The following CAMSAP3 variants were observed in gnomAD, a reference collection of about 807,000 sequenced individuals.
CAMSAP3 encodes calmodulin-regulated spectrin-associated protein 3.
Under a neutral mutation model 112.5 loss-of-function variants are expected in CAMSAP3, and 34 were observed. That is an observed-to-expected ratio of 0.30 (90% CI 0.23 to 0.40). The LOEUF is 0.40. Among genes scored for constraint, CAMSAP3 ranks in the 10% least tolerant of loss-of-function variants. The pLI, the probability that CAMSAP3 is intolerant of heterozygous loss-of-function variation, is 1.00. For missense variants in CAMSAP3, 1,602 were observed against 1,770.3 expected (o/e 0.90, Z 1.71); for synonymous variants, 868 against 799.8 (o/e 1.09, Z -1.44).
chr19:7,617,884 G>A lies in CAMSAP3; in HGVS notation c.3577G>A (p.Val1193Ile), dbSNP rs772769434. 23 of 1,613,612 alleles carry A rather than the reference G, an allele frequency of 1.4e-5. No homozygotes were observed. Among genetic ancestry groups the A allele is most frequent in the Non-Finnish European group, 1.9e-5 (22 of 1,180,008 alleles). ...SRLAGYGPRT[V>I]TPAMVEGIYK... ...GCTGGCAGGGTATGGGCCCCGGACC[G>A]TCACGCCCGCCATGGTGGAAGGCAT... Residue 1193 changes from valine to isoleucine, a missense_variant, in exon 17 of 17, where the codon GTC becomes ATC. This residue lies in a region of CAMSAP3 where 150 missense variants were observed against 207.6 expected (regional missense o/e 0.72). Coordinates refer to ENST00000160298, the MANE Select transcript of CAMSAP3 (RefSeq NM_020902.2). The surrounding 1 kb of genome is among the most constrained non-coding windows in gnomAD (Gnocchi z 7.5).
Position 7,615,662 on chromosome 19 carries a change from C to T in CAMSAP3, c.3055C>T (p.Arg1019Cys). ...GGGCGGGCGGAGGGCCACCCGGCCT[C>T]GCTCGGGTTGCTGTGACGACTCAGC... is the stretch of plus-strand genomic sequence containing the variant. Reference protein sequence around the residue: ...GRGGRRATRPRSGCCDDSALA... With the variant: ...GRGGRRATRPCSGCCDDSALA... Residue 1019 changes from arginine to cysteine, a missense_variant, in exon 13 of 17, where the codon CGC becomes TGC. Physicochemically the swap from Arg to Cys is radical, Grantham distance 180. Around this residue, in one of 6 missense-constraint regions of CAMSAP3, gnomAD observed 1,100 missense variants for 1,135.7 expected, o/e 0.97. Coordinates refer to ENST00000160298, the MANE Select transcript of CAMSAP3 (RefSeq NM_020902.2). This position sits in a 1 kb window ranked among gnomAD's most constrained non-coding sequence, Gnocchi z 6.5. 2 of 1,427,216 alleles carry T rather than the reference C, an allele frequency of 1.4e-6. No homozygotes were observed. Among genetic ancestry groups the T allele is most frequent in the Non-Finnish European group, 9.1e-7 (1 of 1,095,722 alleles). 88.4% of individuals were successfully genotyped at this position (1,427,216 alleles called of 1,614,324 possible).
Position 7,611,440 on chromosome 19 carries a change from A to T in CAMSAP3, c.1124-77A>T, listed in dbSNP as rs543339374. ...AGTGACTCACCCAATGACCTTGCAG[A>T]GGTTGTCCCCAGATGCTGGCTGACC... On this transcript the variant is annotated intron_variant, in intron 9 of 16. Coordinates refer to ENST00000160298, the MANE Select transcript of CAMSAP3 (RefSeq NM_020902.2). The surrounding 1 kb of genome is among the most constrained non-coding windows in gnomAD (Gnocchi z 6.9). 3 of 1,382,744 alleles carry T rather than the reference A, an allele frequency of 2.2e-6. No homozygotes were observed. The African/African-American group carries it at 4.3e-5, about 20-fold the overall frequency. The allele number at this position is 1,382,744 out of a possible 1,614,324, so 85.7% of individuals were successfully genotyped here. A position where few individuals can be genotyped will look rare whatever the true frequency, so the allele number is the denominator to read the frequency against.
Position 7,615,774 on chromosome 19 carries a change from G to A in CAMSAP3, c.3112+55G>A. ...CAGTGCCCTTTCCGGGGCTCACTGGGTGAGGCCCCCATGGGTAAGGGGGGA... is the reference window on the plus strand; with the variant it reads ...CAGTGCCCTTTCCGGGGCTCACTGGATGAGGCCCCCATGGGTAAGGGGGGA... On this transcript the variant is annotated intron_variant, in intron 13 of 16. Transcript: ENST00000160298. This position sits in a 1 kb window ranked among gnomAD's most constrained non-coding sequence, Gnocchi z 6.5. The A allele has an allele frequency of 8.0e-7, 1 of 1,257,038 alleles. No individual in the cohort carries two copies. Among genetic ancestry groups the A allele is most frequent in the Non-Finnish European group, 1.0e-6 (1 of 985,562 alleles). The allele number at this position is 1,257,038 out of a possible 1,614,324, so 77.9% of individuals were successfully genotyped here.
In CAMSAP3 at chr19:7,607,924, T is replaced by C. The variant is rs529751395; in HGVS notation, c.622-202T>C. ...AGTCCCTGTCCCCAGCCCCCGCTGC[T>C]GGCCTGGCTGCTCGAAGACATCTCC... On this transcript the variant is annotated intron_variant, in intron 4 of 16. Coordinates refer to ENST00000160298, the MANE Select transcript of CAMSAP3 (RefSeq NM_020902.2). The surrounding 1 kb of genome is among the most constrained non-coding windows in gnomAD (Gnocchi z 4.9). 2.4e-6 allele frequency: 2 copies of C among 816,360 alleles called. No homozygotes were observed. The highest frequency in any genetic ancestry group is 2.5e-5 in the East Asian group (1 of 40,396). 50.6% of individuals were successfully genotyped at this position (816,360 alleles called of 1,614,324 possible).
At chr19:7,616,958 T>TG (rs2030841264) in intron 14 of CAMSAP3, among the ~76,000 whole-genome samples, 1 of 145,312 alleles carries the variant, frequency 6.9e-6, no homozygotes, top group African/African-American at 2.6e-5. Context: ...TTTTTTTTTT[T>TG]GTTTTTTTGA....
In CAMSAP3 at chr19:7,606,267, A is replaced by T. The variant is rs1393027948; in HGVS notation, c.403-4A>T. On this transcript the variant is annotated splice_region_variant and splice_polypyrimidine_tract_variant and intron_variant, in intron 2 of 16. Transcript: ENST00000160298. The stretch of plus-strand genomic sequence containing the variant: ...GTCTCACCCTCTAGCGCTTGCCCCC[A>T]CAGGGAGCCCACCTAGCTGTCATTG... The T allele has an allele frequency of 6.3e-7, 1 of 1,580,410 alleles. No homozygotes were observed. The highest frequency in any genetic ancestry group is 8.6e-7 in the Non-Finnish European group (1 of 1,163,140).
chr19:7,598,033 T>C (rs370614763), intron 1 of CAMSAP3, among the ~76,000 whole-genome samples: 2 of 152,260 alleles, frequency 1.3e-5, no homozygotes, highest in African/African-American at 4.8e-5. Context: ...CTCTGGGGAC[T>C]CTTGACGGTA....
chr19:7,611,426 C>T lies in CAMSAP3; in HGVS notation c.1124-91C>T, dbSNP rs1418874542. On this transcript the variant is annotated intron_variant, in intron 9 of 16. Transcript: ENST00000160298. This position sits in a 1 kb window ranked among gnomAD's most constrained non-coding sequence, Gnocchi z 6.9. ...CATAATGAGCCATCAGTGACTCACCCAATGACCTTGCAGAGGTTGTCCCCA... is the reference window on the plus strand; with the variant it reads ...CATAATGAGCCATCAGTGACTCACCTAATGACCTTGCAGAGGTTGTCCCCA... The T allele has an allele frequency of 2.4e-6, 3 of 1,260,194 alleles. No homozygotes were observed. In the Admixed American group the frequency reaches 6.9e-5, roughly 29 times the overall value. 78.1% of individuals were successfully genotyped at this position (1,260,194 alleles called of 1,614,324 possible). A position where few individuals can be genotyped will look rare whatever the true frequency, so the allele number is the denominator to read the frequency against.
chr19:7,596,456 G>T (rs1599335999), intron 1 of CAMSAP3, among the ~76,000 whole-genome samples: 1 of 152,126 alleles, frequency 6.6e-6, no homozygotes. Flanking sequence ...GGCCGGGTGG[G>T]GTCTCCCCGT....
chr19:7,616,443 T>C (rs2030794692), intron 13 of CAMSAP3, 80 bp from the exon 14 acceptor site: 1 of 1,017,884 alleles, frequency 9.8e-7, no homozygotes, highest in East Asian at 2.4e-5. Flanking sequence ...CCTCCTGTGT[T>C]CCCCCCACAG....
At chr19:7,602,807 G>A (rs1599346095) in intron 1 of CAMSAP3, among the ~76,000 whole-genome samples, 1 of 151,988 alleles carries the variant, frequency 6.6e-6, no homozygotes, top group East Asian at 1.9e-4. Context: ...CTGGAAGAAG[G>A]AGGCACTGGG....
Position 7,615,205 on chromosome 19 carries a change from A to G in CAMSAP3, c.2693A>G (p.Glu898Gly). 2 of 1,553,960 alleles carry G rather than the reference A, an allele frequency of 1.3e-6. No individual in the cohort carries two copies. The highest frequency in any genetic ancestry group is 8.7e-7 in the Non-Finnish European group (1 of 1,148,954). ...FYKDEDKPED[E>G]MAQKRASLLE... ...CAGGATGAAGACAAGCCTGAGGACG[A>G]GATGGCCCAAAAGCGGGCCAGCCTG... Residue 898 changes from glutamate (E) to glycine (G), a missense_variant, in exon 12 of 17, where the codon GAG (glutamate) becomes GGG (glycine). By Grantham distance (98) the Glu-to-Gly change is moderately conservative (BLOSUM62 -2). Transcript: ENST00000160298. This position sits in a 1 kb window ranked among gnomAD's most constrained non-coding sequence, Gnocchi z 6.5.
chr19:7,609,553 G>C (rs1211378735), intron 5 of CAMSAP3, among the ~76,000 whole-genome samples: 4 of 152,128 alleles, frequency 2.6e-5, no homozygotes, highest in South Asian at 2.1e-4. Flanking sequence ...TGGCTCCAGG[G>C]ACCGGTTTTG....
intron 5 of CAMSAP3, among the ~76,000 whole-genome samples, chr19:7,609,817 C>T (rs1488366552): frequency 6.6e-6 from 1 of 152,046 alleles, no homozygotes; most frequent in African/African-American, 2.4e-5. Flanking sequence ...AACCTAGATC[C>T]CTCACACGCC....
chr19:7,613,628 G>A (rs1035705411), intron 11 of CAMSAP3, among the ~76,000 whole-genome samples: 1 of 151,888 alleles, frequency 6.6e-6, no homozygotes, highest in African/African-American at 2.4e-5. Context: ...TAGATGTGGG[G>A]AGGGGTGGAG....
Position 7,618,040 on chromosome 19 carries a change from G to T in CAMSAP3, c.3733G>T (p.Gly1245Cys), listed in dbSNP as rs747834400. 1 of 1,612,674 alleles carries T rather than the reference G, an allele frequency of 6.2e-7. No homozygotes were observed. The highest frequency in any genetic ancestry group is 8.5e-7 in the Non-Finnish European group (1 of 1,179,262). ...GKKPTTPKKG[G>C]GTPK ...GAAACCCACCACTCCCAAGAAGGGC[G>T]GCGGCACCCCCAAATAGCCCCACCC... The change falls in exon 17 of 17, where the codon GGC (glycine) becomes TGC (cysteine). Residue 1245 changes from glycine to cysteine, a missense_variant. Around this residue, in one of 6 missense-constraint regions of CAMSAP3, gnomAD observed 150 missense variants for 207.6 expected, o/e 0.72. Transcript: ENST00000160298.
chr19:7,611,760 G>A lies in CAMSAP3; in HGVS notation c.1267G>A (p.Asp423Asn), dbSNP rs1275702078. 6.3e-7 allele frequency: 1 copy of A among 1,588,508 alleles called. No individual in the cohort carries two copies. The change falls in exon 11 of 17, where the codon GAC (aspartate) becomes AAC (asparagine). Residue 423 changes from aspartate to asparagine, a missense_variant. Asp to Asn is a conservative substitution (Grantham distance 23). Transcript: ENST00000160298. This position sits in a 1 kb window ranked among gnomAD's most constrained non-coding sequence, Gnocchi z 6.9. Reference protein sequence around the residue: ...LDSDVDVVMGDPVLLRSVSSD... With the variant: ...LDSDVDVVMGNPVLLRSVSSD... The stretch of plus-strand genomic sequence containing the variant: ...CAGCGACGTGGATGTCGTCATGGGA[G>A]ACCCTGTGCTCCTCCGCTCTGTGAG...
rs2030581201 is a variant in CAMSAP3, at chr19:7,612,900, G to A, written c.2407G>A (p.Asp803Asn). Residue 803 changes from aspartate to asparagine, a missense_variant, in exon 11 of 17, where the codon GAC becomes AAC. Coordinates refer to ENST00000160298, the MANE Select transcript of CAMSAP3 (RefSeq NM_020902.2). ...PLTRVLTPPH[D>N]VDSLPHLRKF... is the part of the protein sequence containing the mutation. ...GACCAGGGTGCTTACGCCACCCCAC[G>A]ACGTAGACAGCCTCCCCCACCTGCG... 2 of 1,609,010 alleles carry A rather than the reference G, an allele frequency of 1.2e-6. No homozygotes were observed. Among genetic ancestry groups the A allele is most frequent in the Non-Finnish European group, 1.7e-6 (2 of 1,179,040 alleles).
chr19:7,615,084 A>T lies in CAMSAP3; in HGVS notation c.2671-99A>T. ...GCATTTAGAACAATGATGAAAACAA[A>T]AGCACAGGTGGGTGGCGGGCAGGCT... is the stretch of plus-strand genomic sequence containing the variant. On this transcript the variant is annotated intron_variant, in intron 11 of 16. Transcript: ENST00000160298. This position sits in a 1 kb window ranked among gnomAD's most constrained non-coding sequence, Gnocchi z 6.5. 7.0e-7 allele frequency: 1 copy of T among 1,433,624 alleles called. No individual in the cohort carries two copies. 88.8% of individuals were successfully genotyped at this position (1,433,624 alleles called of 1,614,324 possible).
Sources: gnomAD v4.1 joint callset for allele counts (sites outside exome capture counted in the v4.1 genomes callset) on GRCh38, gnomAD v4.1.1 for gene constraint, gnomAD v4.1.1 regional missense constraint, Gnocchi (gnomAD v3.1) non-coding constraint, MANE v1.5 for transcripts, NCBI Gene and HGNC (gene_info 2026-07-23, HGNC 2026-07-21) for gene names.